The following TTC7A variants were observed in gnomAD, a reference collection of about 807,000 sequenced individuals.
The protein encoded by TTC7A is tetratricopeptide repeat domain 7A.
Under a neutral mutation model 103.7 loss-of-function variants are expected in TTC7A, and 110 were observed. The ratio of observed to expected loss-of-function variants is 1.06; its 90% confidence interval spans 0.91 to 1.24. TTC7A has a LOEUF of 1.24. Among genes scored for constraint, TTC7A ranks in the 50% most tolerant of loss-of-function variants. The pLI, the probability that TTC7A is intolerant of heterozygous loss-of-function variation, is 0.00. For synonymous variants in TTC7A, 521 were observed against 467.9 expected, an observed-to-expected ratio of 1.11 and a Z score of -1.47; for missense variants, 1,340 against 1,116.3, an observed-to-expected ratio of 1.20 and a Z score of -2.86.
chr2:46,917,150 C>T, intron 1 of TTC7A: 1 of 700,732 alleles, frequency 1.4e-6, no homozygotes. Context: ...GAGAAAAATC[C>T]CATAATCCCT....
intron 19 of TTC7A, among the ~76,000 whole-genome samples, chr2:47,068,965 C>G (rs545519697): frequency 2.6e-5 from 4 of 151,612 alleles, no homozygotes; most frequent in African/African-American, 9.7e-5. Flanking sequence ...CCAAACTGTC[C>G]TTTACTGTGC....
chr2:46,970,493 A>G (rs921831754), intron 3 of TTC7A, among the ~76,000 whole-genome samples: 2 of 152,204 alleles, frequency 1.3e-5, no homozygotes, highest in African/African-American at 2.4e-5. Context: ...GGCATCACCC[A>G]TCCCAGTGCT....
intron 2 of TTC7A, among the ~76,000 whole-genome samples, chr2:46,930,794 C>A (rs1279511852): frequency 2.0e-5 from 3 of 152,094 alleles, no homozygotes; most frequent in African/African-American, 7.2e-5. Context: ...GCCACCGCAC[C>A]CAGCCTGAAG....
intron 15 of TTC7A, among the ~76,000 whole-genome samples, chr2:47,038,340 G>GTT (rs1186734132): frequency 6.6e-6 from 1 of 152,022 alleles, no homozygotes; most frequent in Non-Finnish European, 1.5e-5. Context: ...GGACACTTGG[G>GTT]TCATCAGACT....
At chr2:46,972,043 A>G (rs897737350) in intron 3 of TTC7A, among the ~76,000 whole-genome samples, 2 of 152,110 alleles carry the variant, frequency 1.3e-5, no homozygotes, top group Non-Finnish European at 2.9e-5. Context: ...GCACTCATAC[A>G]CTGGAAATTT....
In TTC7A at chr2:47,051,791, C is replaced by T; in HGVS notation, c.2063C>T (p.Ala688Val). The change falls in exon 18 of 20, where the codon GCC becomes GTC. Residue 688 changes from alanine to valine, a missense_variant. Physicochemically the swap from Ala to Val is moderately conservative, Grantham distance 64. Transcript: ENST00000319190. ...ATCGCCGCCTCCCGGCTGGAGGAGG[C>T]CATGTCAGAGCTGACTATGCCCTCT... ...SSIAASRLEE[A>V]MSELTMPSSV... The T allele has an allele frequency of 6.2e-7, 1 of 1,611,400 alleles. No homozygotes were observed. Among genetic ancestry groups the T allele is most frequent in the Non-Finnish European group, 8.5e-7 (1 of 1,179,648 alleles).
At chr2:47,057,919 G>A (rs1434643806) in intron 18 of TTC7A, among the ~76,000 whole-genome samples, 2 of 152,166 alleles carry the variant, frequency 1.3e-5, no homozygotes, top group African/African-American at 2.4e-5. Flanking sequence ...CTCTGAAGTG[G>A]TTTAGTGGCT....
intron 8 of TTC7A, among the ~76,000 whole-genome samples, chr2:46,998,030 C>G (rs866167612): frequency 2.6e-5 from 4 of 152,114 alleles, no homozygotes; most frequent in African/African-American, 4.8e-5. Flanking sequence ...GTGTGGCTGG[C>G]AGCCTGCCTC....
intron 5 of TTC7A, among the ~76,000 whole-genome samples, chr2:46,985,513 T>C (rs555591364): frequency 4.8e-4 from 73 of 152,362 alleles, no homozygotes; most frequent in Admixed American, 7.2e-4. Flanking sequence ...ATATGTTGAA[T>C]ACTTAATACT....
At chr2:46,945,427 A>G (rs1298967502) in intron 1 of TTC7A, among the ~76,000 whole-genome samples, 1 of 152,106 alleles carries the variant, frequency 6.6e-6, no homozygotes, top group Non-Finnish European at 1.5e-5. Flanking sequence ...TAATTTTTGT[A>G]TTTTTAGAGA....
intron 2 of TTC7A, among the ~76,000 whole-genome samples, chr2:46,935,776 A>G (rs887046477): frequency 6.6e-6 from 1 of 152,008 alleles, no homozygotes. Context: ...CTTGTATTGG[A>G]CCCAAGCTCC....
At position 46,928,191 on chromosome 2, in the gene TTC7A, C is replaced by T. The variant is rs76335479; in HGVS notation, c.82+10914C>T. 2.4e-4 allele frequency among the ~76,000 whole-genome samples: 36 copies of T among 151,972 alleles called. No homozygotes were observed. In the East Asian group the frequency reaches 6.2e-3, roughly 26 times the overall value. On this transcript the variant is annotated intron_variant, in intron 2 of 20. Coordinates refer to the TTC7A transcript ENST00000409245. ...ACAGGCGTGAGTCATTGCACCCAGC[C>T]TTGTATTAGTTTTCTCTTTCTGCAT...
At chr2:46,994,563 A>T in intron 7 of TTC7A, 49 bp downstream of exon 7, 1 of 1,594,936 alleles carries the variant, frequency 6.3e-7, no homozygotes, top group Non-Finnish European at 8.6e-7. Flanking sequence ...CATCTCACGC[A>T]GGGTTCTGTC....
At chr2:47,038,077 C>A (rs1269378476) in intron 15 of TTC7A, among the ~76,000 whole-genome samples, 1 of 151,886 alleles carries the variant, frequency 6.6e-6, no homozygotes, top group African/African-American at 2.4e-5. Context: ...ATAGTGAAAC[C>A]CCATCTGTAC....
intron 15 of TTC7A, among the ~76,000 whole-genome samples, chr2:47,038,826 C>T (rs895786006): frequency 6.6e-6 from 1 of 151,992 alleles, no homozygotes; most frequent in Non-Finnish European, 1.5e-5. Context: ...GGAATACCCA[C>T]AGTGTTCCAG....
intron 5 of TTC7A, among the ~76,000 whole-genome samples, chr2:46,986,352 G>T (rs1294268502): frequency 6.6e-6 from 1 of 152,228 alleles, no homozygotes; most frequent in Admixed American, 6.5e-5. Flanking sequence ...AAGGCCCTCA[G>T]TTCCTGTCCT....
At chr2:46,958,233 C>G (rs1167308831) in intron 3 of TTC7A, among the ~76,000 whole-genome samples, 1 of 152,212 alleles carries the variant, frequency 6.6e-6, no homozygotes, top group Non-Finnish European at 1.5e-5. Context: ...TGGGTCCACA[C>G]CATGCCAGGA....
At chr2:46,932,778 G>A (rs1265898087) in intron 2 of TTC7A, among the ~76,000 whole-genome samples, 1 of 151,410 alleles carries the variant, frequency 6.6e-6, no homozygotes, top group Non-Finnish European at 1.5e-5. Context: ...GTGCATGCTT[G>A]TAGTCCCAGC....
chr2:46,916,056 G>A (rs1668768753), upstream of TTC7A: 21 of 985,336 alleles, frequency 2.1e-5, no homozygotes, highest in Non-Finnish European at 2.4e-5. Flanking sequence ...CAGTTGCTAG[G>A]CAACGCCGGA....
Sources: allele counts gnomAD v4.1 joint callset (sites outside exome capture counted in the v4.1 genomes callset), GRCh38; gene constraint gnomAD v4.1.1; transcripts MANE v1.5; gene names NCBI Gene and HGNC (gene_info 2026-07-23, HGNC 2026-07-21).